CDH4: variants seen among roughly 807,000 people sequenced by gnomAD.
The protein encoded by CDH4 is cadherin-4.
In CDH4, 33 loss-of-function variants were observed where a neutral mutation model predicts 86.0. The observed-to-expected ratio is 0.38, with a 90% CI of 0.29 to 0.51. CDH4 has a LOEUF of 0.51. Among genes scored for constraint, CDH4 ranks in the 20% least tolerant of loss-of-function variants. The probability of loss-of-function intolerance (pLI) is 0.86; values close to 1 mark genes in which losing one functional copy is unlikely to be tolerated. For synonymous variants in CDH4, 555 were observed against 549.4 expected (o/e 1.01, Z -0.14); for missense variants, 1,114 against 1,307.4 (o/e 0.85, Z 2.28).
rs2085109882 is a variant in CDH4 at position 61,410,231 on chromosome 20, C to T, written c.169+155294C>T. 2.0e-5 allele frequency among the ~76,000 whole-genome samples: 3 copies of T among 152,110 alleles called. No individual in the cohort carries two copies. In the South Asian group the frequency reaches 6.2e-4, roughly 31 times the overall value. ...CCATCCATCCATCTACCCATCTGCCCACCCATCCATTCATCCACTCACACA... is the reference window on the plus strand; with the variant it reads ...CCATCCATCCATCTACCCATCTGCCTACCCATCCATTCATCCACTCACACA... On this transcript the variant is annotated intron_variant, in intron 2 of 15. Coordinates refer to ENST00000614565, the MANE Select transcript of CDH4 (RefSeq NM_001794.5).
intron 2 of CDH4, among the ~76,000 whole-genome samples, 189 bp downstream of exon 2, chr20:61,255,126 C>T (rs1319331753): frequency 2.0e-5 from 3 of 152,144 alleles, no homozygotes; most frequent in Admixed American, 6.5e-5. Flanking sequence ...TTCAGAACCC[C>T]GGTCATTTTT....
intron 2 of CDH4, among the ~76,000 whole-genome samples, chr20:61,432,591 A>ATG (rs1168019856): frequency 6.6e-6 from 1 of 152,046 alleles, no homozygotes; most frequent in Non-Finnish European, 1.5e-5. Flanking sequence ...ATGTATATGT[A>ATG]TGTGTGTGTA....
chr20:61,883,668 G>A (rs1419158804), intron 7 of CDH4, among the ~76,000 whole-genome samples: 3 of 152,172 alleles, frequency 2.0e-5, no homozygotes, highest in South Asian at 2.1e-4. Context: ...GTGACTGCCC[G>A]GCCCCTGGAG....
chr20:61,456,782 G>A (rs1197135764), intron 2 of CDH4, among the ~76,000 whole-genome samples: 4 of 152,166 alleles, frequency 2.6e-5, no homozygotes, highest in Non-Finnish European at 4.4e-5. Flanking sequence ...AGTGTGTTCC[G>A]TATGTTGGAT....
intron 2 of CDH4, among the ~76,000 whole-genome samples, chr20:61,354,308 C>A (rs1481420923): frequency 6.6e-6 from 1 of 152,134 alleles, no homozygotes; most frequent in Non-Finnish European, 1.5e-5. Flanking sequence ...TCCCCCAAGA[C>A]CCTGGAGTCA....
At chr20:61,443,793 G>A (rs2085326329) in intron 2 of CDH4, among the ~76,000 whole-genome samples, 1 of 151,938 alleles carries the variant, frequency 6.6e-6, no homozygotes, top group Non-Finnish European at 1.5e-5. Context: ...ATCTGTGTAT[G>A]TGTGTCTCTC....
chr20:61,372,006 G>A (rs560248179), intron 2 of CDH4, among the ~76,000 whole-genome samples: 5 of 152,340 alleles, frequency 3.3e-5, no homozygotes, highest in East Asian at 1.9e-4. Context: ...TTGTAAACAC[G>A]TGCACATTCC....
chr20:61,897,922 G>T (rs1776247), intron 8 of CDH4, among the ~76,000 whole-genome samples: 12,900 of 152,264 alleles, frequency 0.085, 1,504 homozygotes, highest in African/African-American at 0.27. Flanking sequence ...GAGAGGATCT[G>T]CAGTCCACTG....
At chr20:61,533,866 G>C (rs1018985267) in intron 2 of CDH4, among the ~76,000 whole-genome samples, 1 of 152,202 alleles carries the variant, frequency 6.6e-6, no homozygotes, top group Admixed American at 6.5e-5. Flanking sequence ...GACCAAAGAT[G>C]CTTCTAGAAA....
chr20:61,298,619 A>T (rs954055118), intron 2 of CDH4, among the ~76,000 whole-genome samples: 1 of 151,912 alleles, frequency 6.6e-6, no homozygotes, highest in Admixed American at 6.6e-5. Context: ...TTTGAACAAT[A>T]ACATTTTTTT....
chr20:61,877,363 C>T (rs1287897824), intron 7 of CDH4, among the ~76,000 whole-genome samples: 1 of 130,328 alleles, frequency 7.7e-6, no homozygotes, highest in Non-Finnish European at 1.7e-5. Flanking sequence ...GGTACCCACC[C>T]CCCACCCCCC....
At chr20:61,912,083 G>T (rs1056814452) in intron 9 of CDH4, among the ~76,000 whole-genome samples, 1 of 152,142 alleles carries the variant, frequency 6.6e-6, no homozygotes, top group African/African-American at 2.4e-5. Flanking sequence ...GTCCAAAATG[G>T]CTACTAGAGC....
intron 2 of CDH4, among the ~76,000 whole-genome samples, chr20:61,671,151 G>A: frequency 6.6e-6 from 1 of 152,034 alleles, no homozygotes; most frequent in African/African-American, 2.4e-5. Flanking sequence ...TGGGTGGATG[G>A]GTGGGTGGAT....
intron 2 of CDH4, among the ~76,000 whole-genome samples, chr20:61,638,030 T>TAAAAA (rs10664878): frequency 1.4e-5 from 2 of 141,400 alleles, no homozygotes; most frequent in Non-Finnish European, 3.0e-5. Flanking sequence ...AAACTCCGTC[T>TAAAAA]AAAAAAAAAA....
At chr20:61,926,557 C>T (rs1268671982) in intron 11 of CDH4, among the ~76,000 whole-genome samples, 1 of 152,164 alleles carries the variant, frequency 6.6e-6, no homozygotes, top group Admixed American at 6.5e-5. Context: ...CAGCTCAAGC[C>T]CTGAGGTTAA....
chr20:61,918,080 G>T (rs1009448114), intron 9 of CDH4, among the ~76,000 whole-genome samples: 3 of 152,248 alleles, frequency 2.0e-5, no homozygotes, highest in African/African-American at 7.2e-5. Flanking sequence ...GGAGGGCCTG[G>T]GGGGGCAGCT....
intron 2 of CDH4, among the ~76,000 whole-genome samples, chr20:61,460,060 A>G (rs2085433178): frequency 6.6e-6 from 1 of 152,168 alleles, no homozygotes; most frequent in African/African-American, 2.4e-5. Context: ...GCCTGGGACC[A>G]TGCATTGTCA....
At chr20:61,611,976 A>G (rs2086688888) in intron 2 of CDH4, among the ~76,000 whole-genome samples, 1 of 152,090 alleles carries the variant, frequency 6.6e-6, no homozygotes, top group Non-Finnish European at 1.5e-5. Flanking sequence ...TCCTGGTGAC[A>G]TCTTCAGCTC....
intron 2 of CDH4, among the ~76,000 whole-genome samples, chr20:61,399,497 A>G (rs549642068): frequency 1.6e-4 from 24 of 152,212 alleles, no homozygotes; most frequent in Non-Finnish European, 3.1e-4. Flanking sequence ...TAGAGAGCAT[A>G]GTATCCCTGA....
Sources: allele counts gnomAD v4.1 joint callset (sites outside exome capture counted in the v4.1 genomes callset), GRCh38; gene constraint gnomAD v4.1.1; transcripts MANE v1.5; gene names NCBI Gene and HGNC (gene_info 2026-07-23, HGNC 2026-07-21).